The following NDUFA10 variants were observed in gnomAD, a reference collection of about 807,000 sequenced individuals.
NDUFA10 encodes NADH:ubiquinone oxidoreductase subunit A10, also known as NADH dehydrogenase [ubiquinone] 1 alpha subcomplex subunit 10, mitochondrial.
NDUFA10 carries 40 observed loss-of-function variants against 47.8 expected under a neutral mutation model. The ratio of observed to expected loss-of-function variants is 0.84; its 90% CI spans 0.65 to 1.09. NDUFA10 has a LOEUF of 1.09. Among genes scored for constraint, NDUFA10 ranks in the 50% least tolerant of loss-of-function variants. The pLI is 0.00. For missense variants in NDUFA10, 413 were observed against 451.1 expected, an observed-to-expected ratio of 0.92 and a Z score of 0.76; for synonymous variants, 183 against 172.2, an observed-to-expected ratio of 1.06 and a Z score of -0.49.
intron 4 of NDUFA10, among the ~76,000 whole-genome samples, chr2:239,935,108 C>T (rs1694242152): frequency 6.6e-6 from 1 of 152,208 alleles, no homozygotes; most frequent in East Asian, 1.9e-4. Flanking sequence ...CTGCCATGTC[C>T]TTCCTGGCTG....
intron 4 of NDUFA10, among the ~76,000 whole-genome samples, chr2:239,951,012 G>C (rs1412038006): frequency 6.6e-6 from 1 of 152,216 alleles, no homozygotes; most frequent in East Asian, 1.9e-4. Flanking sequence ...TCAGGTAGTT[G>C]CTGAGCCTGG....
intron 4 of NDUFA10, among the ~76,000 whole-genome samples, chr2:239,912,175 C>T (rs1455262743): frequency 1.3e-5 from 2 of 152,146 alleles, no homozygotes; most frequent in East Asian, 3.9e-4. Flanking sequence ...GGGCGGCACA[C>T]AGAGCACCCA....
At chr2:239,996,773 T>G (rs1696497550) in intron 8 of NDUFA10, among the ~76,000 whole-genome samples, 1 of 151,816 alleles carries the variant, frequency 6.6e-6, no homozygotes. Flanking sequence ...CAACATAAAT[T>G]CATAAACTTT....
At chr2:240,019,594 G>A (rs1697525393) in intron 3 of NDUFA10, among the ~76,000 whole-genome samples, 1 of 27,912 alleles carries the variant, frequency 3.6e-5, no homozygotes, top group Non-Finnish European at 7.9e-5. Context: ...CGAGGCGGGC[G>A]GATCACGAGG....
At chr2:239,922,033 C>T (rs1186261510) in intron 4 of NDUFA10, among the ~76,000 whole-genome samples, 1 of 146,626 alleles carries the variant, frequency 6.8e-6, no homozygotes, top group East Asian at 2.0e-4. Context: ...TCCTTCTTTC[C>T]TTCCTTCCCT....
At chr2:239,910,268 A>G (rs1377417161) in intron 4 of NDUFA10, among the ~76,000 whole-genome samples, 1 of 152,252 alleles carries the variant, frequency 6.6e-6, no homozygotes, top group African/African-American at 2.4e-5. Flanking sequence ...ATGCACGTGT[A>G]TGTTCACTGC....
intron 3 of NDUFA10, among the ~76,000 whole-genome samples, chr2:240,020,344 A>G (rs1022433021): frequency 1.3e-5 from 2 of 152,002 alleles, no homozygotes; most frequent in African/African-American, 4.8e-5. Context: ...GAGTCCACCC[A>G]TCTCCCTCTC....
At chr2:240,011,920 T>C in intron 5 of NDUFA10, 1 of 571,504 alleles carries the variant, frequency 1.7e-6, no homozygotes, top group South Asian at 1.9e-5. Context: ...TCCCATAGCG[T>C]GACTTTCTCC....
intron 4 of NDUFA10, among the ~76,000 whole-genome samples, chr2:240,015,692 G>T (rs1171476979): frequency 6.6e-6 from 1 of 151,524 alleles, no homozygotes; most frequent in Non-Finnish European, 1.5e-5. Flanking sequence ...CTCTGCACCT[G>T]CACATGCTCA....
intron 5 of NDUFA10, chr2:240,014,080 T>G (rs549080243): frequency 8.0e-6 from 1 of 124,764 alleles, no homozygotes; most frequent in South Asian, 2.4e-4. Flanking sequence ...CGAGACTCTG[T>G]CTCAAAAAAA....
At chr2:239,917,799 A>G (rs959136912) in intron 4 of NDUFA10, among the ~76,000 whole-genome samples, 2 of 152,174 alleles carry the variant, frequency 1.3e-5, no homozygotes, top group Admixed American at 6.5e-5. Context: ...CTCTGAATGC[A>G]CTCAGTAAAG....
At chr2:239,925,900 T>C (rs964835896) in intron 4 of NDUFA10, among the ~76,000 whole-genome samples, 1 of 152,166 alleles carries the variant, frequency 6.6e-6, no homozygotes, top group Non-Finnish European at 1.5e-5. Context: ...CATGAAAACA[T>C]GTTAACATCA....
At chr2:239,957,334 T>A (rs1192896207), downstream of NDUFA10, 1 of 152,180 alleles carries the variant, frequency 6.6e-6, no homozygotes, top group Non-Finnish European at 1.5e-5. Context: ...TTTTTACAAA[T>A]TAAAAGCTGG....
intron 4 of NDUFA10, among the ~76,000 whole-genome samples, chr2:239,909,932 C>T (rs1457950716): frequency 6.7e-6 from 1 of 149,794 alleles, no homozygotes; most frequent in African/African-American, 2.5e-5. Flanking sequence ...AGAAGACAAA[C>T]ATGCAGCCAG....
At chr2:239,908,014 T>C (rs1345319799) in intron 4 of NDUFA10, among the ~76,000 whole-genome samples, 1 of 152,132 alleles carries the variant, frequency 6.6e-6, no homozygotes, top group Non-Finnish European at 1.5e-5. Context: ...CCATCAATGA[T>C]AGACTGGATT....
chr2:239,929,812 T>C (rs1198823677), intron 4 of NDUFA10, among the ~76,000 whole-genome samples: 1 of 145,110 alleles, frequency 6.9e-6, no homozygotes, highest in Non-Finnish European at 1.5e-5. Flanking sequence ...CCCCTGCTCC[T>C]CCACTGCTCT....
At chr2:239,976,062 G>C (rs936488249) in intron 9 of NDUFA10, among the ~76,000 whole-genome samples, 1 of 152,146 alleles carries the variant, frequency 6.6e-6, no homozygotes, top group South Asian at 2.1e-4. Flanking sequence ...TAAATCCTCA[G>C]TATCTATGAA....
chr2:239,920,264 C>G (rs1693946216), intron 4 of NDUFA10, among the ~76,000 whole-genome samples: 1 of 152,216 alleles, frequency 6.6e-6, no homozygotes, highest in South Asian at 2.1e-4. Flanking sequence ...GCACCCTGAC[C>G]TGGGACTGCC....
chr2:239,895,098 T>C (rs530505574), intron 5 of NDUFA10: 6 of 263,168 alleles, frequency 2.3e-5, no homozygotes, highest in African/African-American at 1.4e-4. Flanking sequence ...GAGAAGAATC[T>C]TGCCTTCACC....
Sources: allele counts gnomAD v4.1 joint callset (sites outside exome capture counted in the v4.1 genomes callset), GRCh38; gene constraint gnomAD v4.1.1; transcripts MANE v1.5; gene names NCBI Gene and HGNC (gene_info 2026-07-23, HGNC 2026-07-21).